Variants in MPRIP observed in about 807,000 individuals in gnomAD.
MPRIP encodes the protein myosin phosphatase Rho interacting protein, also known as myosin phosphatase Rho-interacting protein.
A neutral mutation model predicts 234.9 loss-of-function variants in MPRIP; 59 were observed. The ratio of observed to expected loss-of-function variants is 0.25; its 90% confidence interval spans 0.20 to 0.31. MPRIP has a LOEUF of 0.31. Among genes scored for constraint, MPRIP ranks in the 10% least tolerant of loss-of-function variants. The probability of loss-of-function intolerance (pLI) is 1.00; values close to 1 mark genes in which losing one functional copy is unlikely to be tolerated. For synonymous variants in MPRIP, 1,144 were observed against 1,263.9 expected, an observed-to-expected ratio of 0.91 and a Z score of 2.01; for missense variants, 2,436 against 3,071.0, an observed-to-expected ratio of 0.79 and a Z score of 4.89.
At chr17:17,057,023 T>C (rs2088720811) in intron 1 of MPRIP, among the ~76,000 whole-genome samples, 1 of 152,240 alleles carries the variant, frequency 6.6e-6, no homozygotes, top group African/African-American at 2.4e-5. Context: ...ATAGTGCTGC[T>C]GTGAACACAG....
At position 17,173,131 on chromosome 17, in the gene MPRIP, C is replaced by T. The variant is rs556262153; in HGVS notation, c.6590+316C>T. Among the ~76,000 whole-genome samples, 167 of 152,384 alleles carry T rather than the reference C, an allele frequency of 1.1e-3. 2 individuals carry two copies. Among genetic ancestry groups the T allele is most frequent in the African/African-American group, 3.9e-3 (163 of 41,592 alleles). On this transcript the variant is annotated intron_variant, in intron 18 of 23. Transcript: ENST00000651222. Reference sequence around the variant, plus strand: ...TTCTTCGACAGCTGCCCTGCTAGCCCACCAGGAGCCAGGCAGCCGGGCTTG... The same window carrying T: ...TTCTTCGACAGCTGCCCTGCTAGCCTACCAGGAGCCAGGCAGCCGGGCTTG...
rs144716124 is a variant in MPRIP, at chr17:17,110,812, C to T, written c.268-15890C>T. On this transcript the variant is annotated intron_variant, in intron 3 of 23. Coordinates refer to ENST00000651222, the MANE Select transcript of MPRIP (RefSeq NM_001364716.4). ...GCACTCCTCAAAACCATCAAGGTCA[C>T]CCAAAACACAGAAGGTCTGAGAAAC... Among the ~76,000 whole-genome samples the T allele has an allele frequency of 2.5e-3, 383 of 152,284 alleles. 2 individuals are homozygous for T. Among genetic ancestry groups the T allele is most frequent in the Non-Finnish European group, 4.5e-3 (304 of 68,018 alleles).
intron 3 of MPRIP, among the ~76,000 whole-genome samples, chr17:17,105,645 C>T (rs531451217): frequency 1.8e-4 from 28 of 152,254 alleles, no homozygotes; most frequent in Non-Finnish European, 3.2e-4. Context: ...GTGTGAGAGA[C>T]GCTGTCTCTG....
At chr17:17,142,474 C>T (rs139900514) in intron 7 of MPRIP, among the ~76,000 whole-genome samples, 153 bp from the exon 8 acceptor site, 4 of 152,212 alleles carry the variant, frequency 2.6e-5, no homozygotes, top group Admixed American at 6.5e-5. Flanking sequence ...AGGCAGAGCT[C>T]GGGTCAGCTG....
chr17:17,124,593 C>T (rs1489176517), intron 3 of MPRIP, among the ~76,000 whole-genome samples: 2 of 152,194 alleles, frequency 1.3e-5, no homozygotes, highest in Non-Finnish European at 2.9e-5. Context: ...TTCAGGATGG[C>T]TTCTGACACT....
At position 17,164,986 on chromosome 17, in the gene MPRIP, G is replaced by A. The variant is rs547096783; in HGVS notation, c.3395G>A (p.Arg1132Gln). 6.6e-4 allele frequency: 863 copies of A among 1,302,500 alleles called. 14 individuals are homozygous for A. The South Asian group carries it at 9.2e-3, about 14-fold the overall frequency. The allele number at this position is 1,302,500 out of a possible 1,614,324, so 80.7% of individuals were successfully genotyped here. A position where few individuals can be genotyped will look rare whatever the true frequency, so the allele number is the denominator to read the frequency against. Reference protein sequence around the residue: ...ATSDEDVAELREKLRRREADN... With the variant: ...ATSDEDVAELQEKLRRREADN... ...TCCGACGAGGATGTGGCTGAGCTCCGGGAAAAGCTGAGGAGAAGAGAGGCT... is the reference window on the plus strand; with the variant it reads ...TCCGACGAGGATGTGGCTGAGCTCCAGGAAAAGCTGAGGAGAAGAGAGGCT... The change falls in exon 16 of 24, where the codon CGG (arginine) becomes CAG (glutamine). Residue 1132 changes from arginine (R) to glutamine (Q), a missense_variant. By Grantham distance (43) the Arg-to-Gln change is conservative. Around this residue, in one of 4 missense-constraint regions of MPRIP, gnomAD observed 1,998 missense variants for 2,520.3 expected, o/e 0.79. Coordinates refer to ENST00000651222, the MANE Select transcript of MPRIP (RefSeq NM_001364716.4).
At chr17:17,168,602 G>A in intron 16 of MPRIP, 1 of 344,748 alleles carries the variant, frequency 2.9e-6, no homozygotes, top group South Asian at 2.2e-5. Flanking sequence ...GGCCCTGGAG[G>A]TGGTGGTGGG....
chr17:17,068,340 G>A (rs2089104299), intron 1 of MPRIP, among the ~76,000 whole-genome samples: 2 of 151,964 alleles, frequency 1.3e-5, no homozygotes, highest in East Asian at 1.9e-4. Context: ...AGTAGAGACG[G>A]GGTTTCTTCA....
At chr17:17,151,037 T>TTATTATTAC (rs2045591511) in intron 12 of MPRIP, among the ~76,000 whole-genome samples, 1 of 150,488 alleles carries the variant, frequency 6.6e-6, no homozygotes, top group East Asian at 1.9e-4. Flanking sequence ...ATTATTATTA[T>TTATTATTAC]TATTATCATT....
rs777967964 is a variant in MPRIP at position 17,158,526 on chromosome 17, C to A, written c.1924C>A (p.Pro642Thr). 2.6e-5 allele frequency: 42 copies of A among 1,611,708 alleles called. No individual in the cohort carries two copies. Among genetic ancestry groups the A allele is most frequent in the Non-Finnish European group, 2.5e-5 (29 of 1,179,914 alleles). ...AGAGGCAGAGCTGGGGGAGCCGGAC[C>A]CTGAGCAGAAGAGGAGCCGCGCACG... ...KQEAELGEPDPEQKRSRARER... is the reference protein window; with the variant it reads ...KQEAELGEPDTEQKRSRARER... The change falls in exon 14 of 24, where the codon CCT becomes ACT. Residue 642 changes from proline to threonine, a missense_variant. Physicochemically the swap from Pro to Thr is conservative, Grantham distance 38. Transcript: ENST00000651222.
intron 3 of MPRIP, among the ~76,000 whole-genome samples, chr17:17,119,369 T>A (rs1487948070): frequency 6.6e-6 from 1 of 152,228 alleles, no homozygotes; most frequent in Non-Finnish European, 1.5e-5. Context: ...CCAGGCTGGG[T>A]AGCCCTGCCT....
chr17:17,126,432 A>C (rs995535685), intron 3 of MPRIP, among the ~76,000 whole-genome samples: 1 of 151,874 alleles, frequency 6.6e-6, no homozygotes, highest in African/African-American at 2.4e-5. Flanking sequence ...AGCTGTCCCC[A>C]TCCTGTCCTC....
rs758798794 is a variant in MPRIP, at chr17:17,158,748, A to C, written c.2146A>C (p.Met716Leu). Residue 716 changes from methionine (M) to leucine (L), a missense_variant, in exon 14 of 24, where the codon ATG becomes CTG. This residue lies in a region of MPRIP where 1,998 missense variants were observed against 2,520.3 expected (regional missense o/e 0.79). Transcript: ENST00000651222. ...GGAGGAGCGCCGCAAGCGCTTCGGGATGCTCGACGCCACAGACGGGCCAGG... is the reference window on the plus strand; with the variant it reads ...GGAGGAGCGCCGCAAGCGCTTCGGGCTGCTCGACGCCACAGACGGGCCAGG... ...RREERRKRFG[M>L]LDATDGPGTE... is the part of the protein sequence containing the mutation. The C allele has an allele frequency of 4.3e-6, 7 of 1,611,218 alleles. No individual in the cohort carries two copies. Among genetic ancestry groups the C allele is most frequent in the Non-Finnish European group, 5.9e-6 (7 of 1,179,818 alleles).
At chr17:17,131,553 C>G (rs1326495849) in intron 4 of MPRIP, 64 bp from the exon 5 acceptor site, 3 of 1,436,864 alleles carry the variant, frequency 2.1e-6, no homozygotes, top group Non-Finnish European at 2.9e-6. Flanking sequence ...CCGGCAAGGG[C>G]CAGGGCTCCT....
In MPRIP at chr17:17,119,977, T is replaced by TG. The variant is rs927024247; in HGVS notation, c.268-6719dup. Among the ~76,000 whole-genome samples the TG allele has an allele frequency of 2.0e-5, 3 of 152,188 alleles. No individual in the cohort carries two copies. In the East Asian group the frequency reaches 5.8e-4, roughly 29 times the overall value. On this transcript the variant is annotated intron_variant, in intron 3 of 23. Coordinates refer to ENST00000651222, the MANE Select transcript of MPRIP (RefSeq NM_001364716.4). ...ACATGCTGTCTCAGGACCTCAGGTG[T>TG]GGGGGGAAGTCAGGTTTCACCTTGA...
intron 7 of MPRIP, among the ~76,000 whole-genome samples, chr17:17,139,143 C>CCCATG (rs1382407482): frequency 6.6e-6 from 1 of 152,222 alleles, no homozygotes. Flanking sequence ...AAGATGAGGG[C>CCCATG]CCATGCCCTG....
At chr17:17,150,107 C>T (rs771936673) in intron 11 of MPRIP, 37 bp from the exon 12 acceptor site, 29 of 1,537,744 alleles carry the variant, frequency 1.9e-5, no homozygotes, top group African/African-American at 2.7e-5. Flanking sequence ...GGTTCTACTT[C>T]CTAAAAATCT....
In MPRIP at chr17:17,065,183, T is replaced by C. The variant is rs557820733; in HGVS notation, c.124-10527T>C. Among the ~76,000 whole-genome samples, 3 of 152,348 alleles carry C rather than the reference T, an allele frequency of 2.0e-5. No individual in the cohort carries two copies. The South Asian group carries it at 6.2e-4, about 32-fold the overall frequency. On this transcript the variant is annotated intron_variant, in intron 1 of 23. Coordinates refer to ENST00000651222, the MANE Select transcript of MPRIP (RefSeq NM_001364716.4). ...TTTATATAGTCTAAATACTAGTATA[T>C]AGTCTAGATATTAGTCCTTTGCAAA...
At chr17:17,073,382 G>A (rs902173422) in intron 1 of MPRIP, among the ~76,000 whole-genome samples, 2 of 152,210 alleles carry the variant, frequency 1.3e-5, no homozygotes, top group African/African-American at 4.8e-5. Flanking sequence ...GTTTGCTGAC[G>A]ATGCCTGGGT....
Sources: gnomAD v4.1 joint callset for allele counts (sites outside exome capture counted in the v4.1 genomes callset) on GRCh38, gnomAD v4.1.1 for gene constraint, gnomAD v4.1.1 regional missense constraint, MANE v1.5 for transcripts, NCBI Gene and HGNC (gene_info 2026-07-23, HGNC 2026-07-21) for gene names.